Variants in TASOR2 observed in about 807,000 individuals in gnomAD.
TASOR2 encodes the protein transcription activation suppressor family member 2, also known as protein TASOR 2.
A neutral mutation model predicts 199.5 loss-of-function variants in TASOR2; 84 were observed. The ratio of observed to expected loss-of-function variants is 0.42; its 90% CI spans 0.35 to 0.50. The LOEUF is 0.50. Ranked by LOEUF, TASOR2 falls within the 20% of genes least tolerant of loss-of-function variation. The probability of loss-of-function intolerance (pLI) is 0.02; values close to 1 mark genes in which losing one functional copy is unlikely to be tolerated. For missense variants in TASOR2, 2,796 were observed against 2,835.9 expected (o/e 0.99, Z 0.32); for synonymous variants, 1,103 against 1,046.6 (o/e 1.05, Z -1.04).
intron 1 of TASOR2, chr10:5,692,752 TCGCC>T (rs1405970892): frequency 6.6e-6 from 1 of 151,666 alleles, no homozygotes; most frequent in Non-Finnish European, 1.5e-5. Context: ...GGAGCCGGCG[TCGCC>T]CTTGTTGACT....
chr10:5,757,300 C>T (rs1337579413), intron 16 of TASOR2, among the ~76,000 whole-genome samples: 2 of 152,112 alleles, frequency 1.3e-5, no homozygotes, highest in East Asian at 1.9e-4. Context: ...AGTTTGAGAC[C>T]TTTTTTTAAT....
At chr10:5,757,785 GCCC>G (rs771318469) in intron 17 of TASOR2, 112 bp downstream of exon 18, 41 of 1,160,130 alleles carry the variant, frequency 3.5e-5, no homozygotes, top group East Asian at 2.7e-4. Context: ...AATATCAGTT[GCCC>G]CCTACTGAGG....
chr10:5,694,348 T>C (rs1836879476), intron 1 of TASOR2, among the ~76,000 whole-genome samples: 1 of 152,208 alleles, frequency 6.6e-6, no homozygotes, highest in African/African-American at 2.4e-5. Flanking sequence ...GGAAAACTAA[T>C]TGATTAATTT....
intron 18 of TASOR2, among the ~76,000 whole-genome samples, chr10:5,760,380 G>A (rs1161477965): frequency 6.6e-6 from 1 of 152,190 alleles, no homozygotes; most frequent in African/African-American, 2.4e-5. Context: ...CTGGCATTAT[G>A]TAACAGGCGT....
chr10:5,693,392 G>A (rs564702219), intron 1 of TASOR2, among the ~76,000 whole-genome samples: 6 of 152,348 alleles, frequency 3.9e-5, no homozygotes, highest in African/African-American at 9.6e-5. Context: ...TGTGCGTGCC[G>A]TGATTATCTT....
chr10:5,706,915 G>A lies in TASOR2; in HGVS notation c.-287-5908G>A, dbSNP rs1302294467. Among the ~76,000 whole-genome samples, 1 of 151,838 alleles carries A rather than the reference G, an allele frequency of 6.6e-6. No homozygotes were observed. The highest frequency in any genetic ancestry group is 1.5e-5 in the Non-Finnish European group (1 of 67,966). ...CTACACGGGAGGCCGAGGCAAGAGA[G>A]TTGCTTGAACCCGGGAGGTGGAGGT... On this transcript the variant is annotated intron_variant, in intron 1 of 20. Coordinates refer to ENST00000328090, the Ensembl canonical transcript of TASOR2. This position sits in a 1 kb window ranked among gnomAD's most constrained non-coding sequence, Gnocchi z 4.8.
At position 5,720,886 on chromosome 10, in the gene TASOR2, G is replaced by A; in HGVS notation, c.62G>A (p.Trp21Ter). ...ATTTCTTCAGTTCTCATGTCTCCAT[G>A]GAAAGGGAAATTAATTGTTCAAGAC... The change falls in exon 6 of 21, where the codon TGG becomes TAG. Residue 21 changes from tryptophan (W) to a stop codon, truncating the protein, a stop_gained. Transcript: ENST00000328090. LOFTEE classifies it high-confidence loss of function. This position sits in a 1 kb window ranked among gnomAD's most constrained non-coding sequence, Gnocchi z 5.3. 2 of 1,610,710 alleles carry A rather than the reference G, an allele frequency of 1.2e-6. No homozygotes were observed. Among genetic ancestry groups the A allele is most frequent in the Non-Finnish European group, 1.7e-6 (2 of 1,179,108 alleles).
Position 5,719,752 on chromosome 10 carries a change from A to G in TASOR2, c.-99-792A>G, listed in dbSNP as rs1833127477. 6.6e-6 allele frequency among the ~76,000 whole-genome samples: 1 copy of G among 152,088 alleles called. No individual in the cohort carries two copies. Among genetic ancestry groups the G allele is most frequent in the African/African-American group, 2.4e-5 (1 of 41,406 alleles). Reference sequence around the variant, plus strand: ...AACCAGGACCAGCTGCCTGCTAAGAACTTTGCTACATATTTGCTCCTTGTT... The same window carrying G: ...AACCAGGACCAGCTGCCTGCTAAGAGCTTTGCTACATATTTGCTCCTTGTT... On this transcript the variant is annotated intron_variant, in intron 3 of 20. Transcript: ENST00000328090. The surrounding 1 kb of genome is among the most constrained non-coding windows in gnomAD (Gnocchi z 4.1).
chr10:5,740,565 G>A lies in TASOR2; in HGVS notation c.2327+68G>A, dbSNP rs1836264493. ...TGTTGAGATGAATGTAGTGAGATGG[G>A]GAAACTTATGCCAAACTCTGGAGAA... On this transcript the variant is annotated intron_variant, in intron 13 of 20. Transcript: ENST00000328090. The surrounding 1 kb of genome is among the most constrained non-coding windows in gnomAD (Gnocchi z 5.3). 6.0e-6 allele frequency: 9 copies of A among 1,494,682 alleles called. No homozygotes were observed. Among genetic ancestry groups the A allele is most frequent in the Non-Finnish European group, 5.4e-6 (6 of 1,108,664 alleles). 92.6% of individuals were successfully genotyped at this position (1,494,682 alleles called of 1,614,324 possible).
chr10:5,734,716 A>ATTTTT (rs140600979), intron 11 of TASOR2, among the ~76,000 whole-genome samples: 2 of 54,194 alleles, frequency 3.7e-5, no homozygotes, highest in African/African-American at 1.3e-4. Flanking sequence ...GGTTATGAAG[A>ATTTTT]TTTTTTTTTT....
In TASOR2 at chr10:5,750,899, G is replaced by C. The variant is rs761537745; in HGVS notation, c.6606+872G>C. On this transcript the variant is annotated intron_variant, in intron 15 of 20. Coordinates refer to ENST00000328090, the Ensembl canonical transcript of TASOR2. The surrounding 1 kb of genome is among the most constrained non-coding windows in gnomAD (Gnocchi z 5.4). ...TCTAGGATCATAGGTGTCTAGAATT[G>C]TCATGTCTTCAGTCTGCAATAGTTC... Among the ~76,000 whole-genome samples, 1 of 152,142 alleles carries C rather than the reference G, an allele frequency of 6.6e-6. No individual in the cohort carries two copies. The highest frequency in any genetic ancestry group is 1.5e-5 in the Non-Finnish European group (1 of 68,034).
chr10:5,739,155 A>G (rs1352160240), intron 12 of TASOR2, among the ~76,000 whole-genome samples: 4 of 152,208 alleles, frequency 2.6e-5, no homozygotes, highest in African/African-American at 9.6e-5. Flanking sequence ...CTGAGAAAGT[A>G]TGTTAGCAAA....
chr10:5,724,766 G>A (rs1173053751), intron 8 of TASOR2, among the ~76,000 whole-genome samples: 3 of 151,018 alleles, frequency 2.0e-5, no homozygotes, highest in Admixed American at 6.6e-5. Context: ...AGTATCTGTG[G>A]GGTATATGTT....
At chr10:5,721,249 C>G (rs1833319788) in intron 6 of TASOR2, among the ~76,000 whole-genome samples, 1 of 152,054 alleles carries the variant, frequency 6.6e-6, no homozygotes, top group Admixed American at 6.5e-5. Flanking sequence ...TGCCTGATAG[C>G]AAATATAGCA....
At chr10:5,727,162 G>T (rs1834153202) in intron 10 of TASOR2, 39 bp downstream of exon 11, 2 of 1,607,690 alleles carry the variant, frequency 1.2e-6, no homozygotes, top group African/African-American at 1.3e-5. Flanking sequence ...CTGTCTGTTG[G>T]ATATATTTAG....
chr10:5,733,662 C>T (rs370456141), intron 11 of TASOR2, among the ~76,000 whole-genome samples: 2 of 152,144 alleles, frequency 1.3e-5, no homozygotes, highest in Admixed American at 6.5e-5. Context: ...CTCCCAACAC[C>T]TGGGAGTACT....
intron 1 of TASOR2, among the ~76,000 whole-genome samples, chr10:5,703,812 T>C (rs2131527119): frequency 6.6e-6 from 1 of 152,206 alleles, no homozygotes; most frequent in African/African-American, 2.4e-5. Flanking sequence ...TCTGATGTTT[T>C]TATTTAAGAT....
At chr10:5,731,263 C>T in intron 11 of TASOR2, 60 bp downstream of exon 12, 2 of 1,494,310 alleles carry the variant, frequency 1.3e-6, no homozygotes, top group African/African-American at 2.8e-5. Context: ...GCGTTGGTGG[C>T]TCATGCCTGT....
At position 5,699,413 on chromosome 10, in the gene TASOR2, A is replaced by G. The variant is rs997094354; in HGVS notation, c.-287-13410A>G. The G allele has an allele frequency of 6.6e-6, 1 of 152,190 alleles. No individual in the cohort carries two copies. The highest frequency in any genetic ancestry group is 1.5e-5 in the Non-Finnish European group (1 of 68,004). 9.4% of individuals were successfully genotyped at this position (152,190 alleles called of 1,614,324 possible). On this transcript the variant is annotated intron_variant, in intron 1 of 20. Transcript: ENST00000328090. This position sits in a 1 kb window ranked among gnomAD's most constrained non-coding sequence, Gnocchi z 4.1. ...AATTGATTGTGGTGAAGGTTGCACA[A>G]TTCTGTGGATATACTAAGCACAATT... is the stretch of plus-strand genomic sequence containing the variant.
Sources: gnomAD v4.1 joint callset for allele counts (sites outside exome capture counted in the v4.1 genomes callset) on GRCh38, gnomAD v4.1.1 for gene constraint, Gnocchi (gnomAD v3.1) non-coding constraint, MANE v1.5 for transcripts, NCBI Gene and HGNC (gene_info 2026-07-23, HGNC 2026-07-21) for gene names.